The following SDK1 variants were observed in gnomAD, a reference collection of about 807,000 sequenced individuals.
SDK1 encodes the protein protein sidekick-1.
A neutral mutation model predicts 245.5 loss-of-function variants in SDK1; 157 were observed. The observed-to-expected ratio is 0.64, with a 90% CI of 0.56 to 0.73. The LOEUF is 0.73. Among genes scored for constraint, SDK1 ranks in the 30% least tolerant of loss-of-function variants. The probability of loss-of-function intolerance (pLI) is 0.00; values close to 1 mark genes in which losing one functional copy is unlikely to be tolerated. For missense variants in SDK1, 3,583 were observed against 3,002.3 expected, an observed-to-expected ratio of 1.19 and a Z score of -4.52; for synonymous variants, 1,647 against 1,278.5, an observed-to-expected ratio of 1.29 and a Z score of -6.15.
At chr7:3,576,779 T>C (rs999592531) in intron 1 of SDK1, among the ~76,000 whole-genome samples, 3 of 152,010 alleles carry the variant, frequency 2.0e-5, no homozygotes, top group African/African-American at 7.2e-5. Flanking sequence ...AGCATTTTGT[T>C]CCTGATGCTT....
chr7:4,141,251 A>C (rs1407976165), intron 28 of SDK1, among the ~76,000 whole-genome samples: 1 of 152,248 alleles, frequency 6.6e-6, no homozygotes, highest in Non-Finnish European at 1.5e-5. Context: ...CAGAAGAGTC[A>C]GGTGGGGCCA....
At chr7:3,933,090 C>T (rs535302084) in intron 5 of SDK1, among the ~76,000 whole-genome samples, 1 of 151,664 alleles carries the variant, frequency 6.6e-6, no homozygotes, top group African/African-American at 2.4e-5. Context: ...TCTCTCCATC[C>T]TCCGCATCCT....
intron 4 of SDK1, among the ~76,000 whole-genome samples, chr7:3,777,763 A>G (rs923825446): frequency 4.6e-5 from 7 of 152,116 alleles, no homozygotes; most frequent in African/African-American, 1.4e-4. Flanking sequence ...AAAACTTCCC[A>G]TGCCACACCA....
intron 22 of SDK1, among the ~76,000 whole-genome samples, chr7:4,109,453 C>G (rs1178660862): frequency 1.3e-5 from 2 of 152,218 alleles, no homozygotes; most frequent in East Asian, 3.8e-4. Flanking sequence ...AGCACGTTTC[C>G]TATCCTGTCA....
At chr7:3,646,220 T>C (rs1450025628) in intron 4 of SDK1, among the ~76,000 whole-genome samples, 1 of 152,180 alleles carries the variant, frequency 6.6e-6, no homozygotes, top group Admixed American at 6.6e-5. Flanking sequence ...ACCTTTGTCA[T>C]GTGGTGAAAG....
At chr7:4,142,310 G>A (rs1048712120) in intron 28 of SDK1, among the ~76,000 whole-genome samples, 1 of 151,986 alleles carries the variant, frequency 6.6e-6, no homozygotes, top group South Asian at 2.1e-4. Flanking sequence ...TTTTGGTTTT[G>A]CGTTTTTGTT....
At chr7:3,849,355 C>G (rs548813689) in intron 5 of SDK1, among the ~76,000 whole-genome samples, 2 of 152,328 alleles carry the variant, frequency 1.3e-5, no homozygotes, top group South Asian at 4.1e-4. Context: ...TGGCAACACT[C>G]CCCTTTCGAC....
rs77735675 is a variant in SDK1 at position 3,386,468 on chromosome 7, G to A, written c.298+84584G>A. Among the ~76,000 whole-genome samples, 58 of 152,270 alleles carry A rather than the reference G, an allele frequency of 3.8e-4. 1 individual carries two copies. In the East Asian group the frequency reaches 8.7e-3, roughly 23 times the overall value. On this transcript the variant is annotated intron_variant, in intron 1 of 44. Coordinates refer to ENST00000404826, the MANE Select transcript of SDK1 (RefSeq NM_152744.4). Reference sequence around the variant, plus strand: ...TCATTTCAAAACACACTCATATTTTGTTTAGAGTTAACAGAGCTGTCTAGA... The same window carrying A: ...TCATTTCAAAACACACTCATATTTTATTTAGAGTTAACAGAGCTGTCTAGA...
At chr7:3,809,361 C>T (rs1779329037) in intron 4 of SDK1, among the ~76,000 whole-genome samples, 1 of 152,140 alleles carries the variant, frequency 6.6e-6, no homozygotes, top group African/African-American at 2.4e-5. Flanking sequence ...CCCCACCTCC[C>T]ATACTAGGAA....
chr7:3,363,219 G>T (rs1781000035), intron 1 of SDK1, among the ~76,000 whole-genome samples: 1 of 152,154 alleles, frequency 6.6e-6, no homozygotes, highest in East Asian at 1.9e-4. Flanking sequence ...TATATAAATA[G>T]AATTATACTT....
At chr7:3,406,735 T>C (rs1779065007) in intron 1 of SDK1, among the ~76,000 whole-genome samples, 3 of 152,162 alleles carry the variant, frequency 2.0e-5, no homozygotes, top group Admixed American at 2.0e-4. Context: ...TTTTGAATGC[T>C]GGAGAAAGCA....
chr7:3,558,856 C>G (rs565692743), intron 1 of SDK1, among the ~76,000 whole-genome samples: 24 of 152,238 alleles, frequency 1.6e-4, no homozygotes, highest in African/African-American at 5.1e-4. Flanking sequence ...AGCATTTAAA[C>G]AAATAATTTT....
chr7:3,902,194 G>A (rs1329235492), intron 5 of SDK1, among the ~76,000 whole-genome samples: 2 of 152,266 alleles, frequency 1.3e-5, no homozygotes, highest in South Asian at 2.1e-4. Flanking sequence ...AGAAATGTGC[G>A]CGTGTGCATG....
intron 5 of SDK1, among the ~76,000 whole-genome samples, chr7:3,875,576 C>T (rs1182792106): frequency 6.6e-6 from 1 of 152,208 alleles, no homozygotes; most frequent in Admixed American, 6.5e-5. Flanking sequence ...CTCTTTATCC[C>T]CACTTCAGCT....
At chr7:3,770,270 A>T (rs1271995776) in intron 4 of SDK1, among the ~76,000 whole-genome samples, 1 of 152,166 alleles carries the variant, frequency 6.6e-6, no homozygotes, top group Non-Finnish European at 1.5e-5. Context: ...TAAAGTCCAT[A>T]CAAATGGCTA....
chr7:4,206,035 G>A, intron 36 of SDK1, 41 bp downstream of exon 36: 1 of 1,334,856 alleles, frequency 7.5e-7, no homozygotes, highest in East Asian at 2.6e-5. Flanking sequence ...GGCTCGCTTG[G>A]GCACCCCTCG....
chr7:3,755,291 T>G, intron 4 of SDK1, among the ~76,000 whole-genome samples: 1 of 152,044 alleles, frequency 6.6e-6, no homozygotes, highest in African/African-American at 2.4e-5. Context: ...TGGAAAGGGT[T>G]GGGGAGCGAA....
chr7:3,935,063 C>T (rs1369595713), intron 5 of SDK1, among the ~76,000 whole-genome samples: 2 of 152,210 alleles, frequency 1.3e-5, no homozygotes, highest in Non-Finnish European at 2.9e-5. Context: ...GTCTGCCTCA[C>T]CTTTGTAAGC....
intron 38 of SDK1, among the ~76,000 whole-genome samples, chr7:4,215,310 C>T (rs1018946330): frequency 6.6e-6 from 1 of 152,172 alleles, no homozygotes; most frequent in Non-Finnish European, 1.5e-5. Flanking sequence ...GGCGGAGGGG[C>T]CTATCTCTCC....
Sources: allele counts gnomAD v4.1 joint callset (sites outside exome capture counted in the v4.1 genomes callset), GRCh38; gene constraint gnomAD v4.1.1; transcripts MANE v1.5; gene names NCBI Gene and HGNC (gene_info 2026-07-23, HGNC 2026-07-21).